Variants in UMAD1 observed in about 807,000 individuals in gnomAD.
UMAD1 encodes UBAP1-MVB12-associated (UMA)-domain containing protein 1.
In UMAD1, 8 loss-of-function variants were observed where a neutral mutation model predicts 6.1. The ratio of observed to expected loss-of-function variants is 1.30; its 90% CI spans 0.76 to 2.35. UMAD1 has a LOEUF of 2.35. Among genes scored for constraint, UMAD1 ranks in the 30% most tolerant of loss-of-function variants. The pLI is 0.00. For synonymous variants in UMAD1, 56 were observed against 31.4 expected (o/e 1.78, Z -2.61); for missense variants, 130 against 78.4 (o/e 1.66, Z -2.49).
At chr7:7,661,593 A>G (rs1785475589) in intron 1 of UMAD1, among the ~76,000 whole-genome samples, 1 of 152,090 alleles carries the variant, frequency 6.6e-6, no homozygotes, top group South Asian at 2.1e-4. Flanking sequence ...AGTTTGCTGG[A>G]GGTCCAGTCG....
chr7:7,658,327 G>A (rs1785393673), intron 1 of UMAD1, among the ~76,000 whole-genome samples: 1 of 152,194 alleles, frequency 6.6e-6, no homozygotes, highest in African/African-American at 2.4e-5. Flanking sequence ...GATGGCCCTG[G>A]CCAGAACTTC....
intron 3 of UMAD1, among the ~76,000 whole-genome samples, chr7:7,819,250 C>T (rs1266573453): frequency 6.6e-6 from 1 of 152,146 alleles, no homozygotes. Context: ...AGGAATTTGA[C>T]AAAATAAGTA....
At chr7:7,825,616 A>G (rs984071797) in intron 3 of UMAD1, among the ~76,000 whole-genome samples, 2 of 152,278 alleles carry the variant, frequency 1.3e-5, no homozygotes, top group Non-Finnish European at 2.9e-5. Context: ...TCTTCCCACA[A>G]CATGTGGGAA....
At chr7:7,665,319 C>T (rs1315553851) in intron 1 of UMAD1, among the ~76,000 whole-genome samples, 2 of 152,324 alleles carry the variant, frequency 1.3e-5, no homozygotes, top group East Asian at 3.9e-4. Flanking sequence ...CTTTTATACG[C>T]AGTCTGTGTA....
At chr7:7,680,606 T>C (rs1583728623) in intron 2 of UMAD1, among the ~76,000 whole-genome samples, 2 of 152,152 alleles carry the variant, frequency 1.3e-5, no homozygotes, top group Non-Finnish European at 2.9e-5. Flanking sequence ...AGTGATTGCA[T>C]TGAATCTGTA....
chr7:7,723,598 A>G (rs1171828907), intron 2 of UMAD1, among the ~76,000 whole-genome samples: 1 of 152,180 alleles, frequency 6.6e-6, no homozygotes, highest in Non-Finnish European at 1.5e-5. Flanking sequence ...TGCTTTGCAA[A>G]ATAGATTTGT....
intron 2 of UMAD1, among the ~76,000 whole-genome samples, chr7:7,772,699 G>A (rs2115244370): frequency 6.6e-6 from 1 of 152,276 alleles, no homozygotes; most frequent in East Asian, 1.9e-4. Context: ...TGGAGTAGAG[G>A]TGCCTGCCTC....
chr7:7,653,867 A>G (rs944719352), intron 1 of UMAD1, among the ~76,000 whole-genome samples: 4 of 152,222 alleles, frequency 2.6e-5, no homozygotes, highest in Admixed American at 2.6e-4. Context: ...GGTTAAAGCC[A>G]GAGATGGTGC....
intron 2 of UMAD1, among the ~76,000 whole-genome samples, chr7:7,716,683 C>T (rs1214961592): frequency 1.3e-5 from 2 of 152,218 alleles, no homozygotes; most frequent in African/African-American, 4.8e-5. Flanking sequence ...CGGTGGCTCA[C>T]GCCTGTCATC....
chr7:7,643,169 A>T (rs1460066138), intron 1 of UMAD1, among the ~76,000 whole-genome samples: 1 of 152,202 alleles, frequency 6.6e-6, no homozygotes, highest in African/African-American at 2.4e-5. Flanking sequence ...CTGATGGTCC[A>T]CACCTGTTAT....
chr7:7,754,238 T>C (rs1298386374), intron 2 of UMAD1, among the ~76,000 whole-genome samples: 7 of 152,008 alleles, frequency 4.6e-5, no homozygotes, highest in Admixed American at 4.6e-4. Flanking sequence ...GTACAGGGGT[T>C]CCCTTTTCTC....
chr7:7,819,606 GAACCA>G (rs1783203304), intron 3 of UMAD1, among the ~76,000 whole-genome samples: 2 of 152,172 alleles, frequency 1.3e-5, no homozygotes, highest in South Asian at 4.1e-4. Context: ...TTGACATGGA[GAACCA>G]AAACCGGTGT....
intron 3 of UMAD1, among the ~76,000 whole-genome samples, chr7:7,819,250 CAAAAT>C (rs1783195754): frequency 6.6e-6 from 1 of 152,146 alleles, no homozygotes; most frequent in Non-Finnish European, 1.5e-5. Context: ...AGGAATTTGA[CAAAAT>C]AAGTAAATGA....
At chr7:7,836,390 G>C (rs1330273979) in intron 3 of UMAD1, among the ~76,000 whole-genome samples, 1 of 151,778 alleles carries the variant, frequency 6.6e-6, no homozygotes, top group African/African-American at 2.4e-5. Context: ...TGGTTTTCTG[G>C]CCAACCTGAT....
At chr7:7,733,149 G>T (rs1307785767) in intron 2 of UMAD1, among the ~76,000 whole-genome samples, 1 of 152,136 alleles carries the variant, frequency 6.6e-6, no homozygotes, top group Non-Finnish European at 1.5e-5. Flanking sequence ...GCAGCAAGTA[G>T]CACACGATAC....
At chr7:7,851,572 T>A (rs938212965) in intron 3 of UMAD1, among the ~76,000 whole-genome samples, 2 of 152,188 alleles carry the variant, frequency 1.3e-5, no homozygotes, top group African/African-American at 4.8e-5. Context: ...GTTGTTATTA[T>A]CTGACTTCTT....
intron 3 of UMAD1, among the ~76,000 whole-genome samples, chr7:7,858,338 T>C (rs1265841333): frequency 1.3e-5 from 2 of 152,206 alleles, no homozygotes; most frequent in Admixed American, 1.3e-4. Flanking sequence ...GAGTGAACCA[T>C]AAATTATTTA....
chr7:7,844,174 G>C (rs1583867039), intron 3 of UMAD1, among the ~76,000 whole-genome samples: 1 of 152,150 alleles, frequency 6.6e-6, no homozygotes, highest in East Asian at 1.9e-4. Flanking sequence ...GGCTGGCACA[G>C]CATTTCCCAC....
chr7:7,750,455 A>G (rs1781656383), intron 2 of UMAD1, among the ~76,000 whole-genome samples: 1 of 152,178 alleles, frequency 6.6e-6, no homozygotes, highest in African/African-American at 2.4e-5. Context: ...TGAAATGTAC[A>G]ATACTTGATG....
Sources: gnomAD v4.1 joint callset for allele counts (sites outside exome capture counted in the v4.1 genomes callset) on GRCh38, gnomAD v4.1.1 for gene constraint, MANE v1.5 for transcripts, NCBI Gene and HGNC (gene_info 2026-07-23, HGNC 2026-07-21) for gene names.